Variants in THSD4 observed in about 807,000 individuals in gnomAD.
THSD4 encodes the protein thrombospondin type-1 domain-containing protein 4.
THSD4 carries 69 observed loss-of-function variants against 119.0 expected under a neutral mutation model. The observed-to-expected ratio is 0.58, with a 90% CI of 0.48 to 0.71. THSD4 has a LOEUF of 0.71. THSD4 is among the 30% of genes least tolerant of loss of function. THSD4 has a pLI of 0.00. For synonymous variants in THSD4, 524 were observed against 540.4 expected (o/e 0.97, Z 0.42); for missense variants, 1,393 against 1,391.1 (o/e 1.00, Z -0.02).
intron 4 of THSD4, among the ~76,000 whole-genome samples, chr15:71,220,063 C>CAT (rs2043963375): frequency 6.6e-6 from 1 of 151,172 alleles, no homozygotes; most frequent in African/African-American, 2.4e-5. Flanking sequence ...ATCTTCTTTG[C>CAT]ATCTAATCCT....
intron 6 of THSD4, among the ~76,000 whole-genome samples, chr15:71,367,939 G>A (rs1197161782): frequency 1.3e-5 from 2 of 152,124 alleles, no homozygotes. Context: ...ATCCTCTCCA[G>A]CACCTGTTGT....
intron 3 of THSD4, among the ~76,000 whole-genome samples, chr15:71,155,333 T>C (rs1343282950): frequency 6.6e-6 from 1 of 152,120 alleles, no homozygotes; most frequent in Non-Finnish European, 1.5e-5. Context: ...TGAGAACTCT[T>C]TATTGCCATG....
intron 6 of THSD4, among the ~76,000 whole-genome samples, chr15:71,268,218 C>T (rs149899457): frequency 3.9e-5 from 6 of 152,292 alleles, no homozygotes; most frequent in Non-Finnish European, 8.8e-5. Flanking sequence ...AAGTAAGGCA[C>T]TCCTCAGCAA....
At chr15:71,208,149 T>G (rs1297336574) in intron 3 of THSD4, among the ~76,000 whole-genome samples, 4 of 152,206 alleles carry the variant, frequency 2.6e-5, no homozygotes, top group African/African-American at 9.6e-5. Context: ...ATTGCCTACC[T>G]TGGCTTTAGC....
Position 71,329,252 on chromosome 15 carries a change from C to T in THSD4, c.1015+72537C>T, listed in dbSNP as rs941929058. ...GGAGGAAAAACAAGGAACTGGCTGCCTGGCGACAGGGAGCGGGCCAGGCTG... is the reference window on the plus strand; with the variant it reads ...GGAGGAAAAACAAGGAACTGGCTGCTTGGCGACAGGGAGCGGGCCAGGCTG... On this transcript the variant is annotated intron_variant, in intron 6 of 17. Coordinates refer to ENST00000261862, the MANE Select transcript of THSD4 (RefSeq NM_024817.3). Among the ~76,000 whole-genome samples, 9 of 152,280 alleles carry T rather than the reference C, an allele frequency of 5.9e-5. No individual in the cohort carries two copies. The South Asian group carries it at 1.9e-3, about 32-fold the overall frequency.
intron 6 of THSD4, among the ~76,000 whole-genome samples, chr15:71,371,331 C>T (rs1044920632): frequency 5.9e-5 from 9 of 152,204 alleles, no homozygotes; most frequent in South Asian, 4.2e-4. Flanking sequence ...ATGATGTTAG[C>T]TGGTTATTTT....
intron 7 of THSD4, among the ~76,000 whole-genome samples, chr15:71,518,672 C>A (rs2048395307): frequency 6.6e-6 from 1 of 152,140 alleles, no homozygotes; most frequent in Non-Finnish European, 1.5e-5. Flanking sequence ...GACTCTCCCC[C>A]ACCACCATAT....
chr15:71,684,964 T>A (rs2051876255), intron 8 of THSD4, among the ~76,000 whole-genome samples: 1 of 152,176 alleles, frequency 6.6e-6, no homozygotes. Context: ...AAGCTGGTAA[T>A]TTTTTAATGT....
In THSD4 at chr15:71,442,577, A is replaced by AT. The variant is rs1443536492; in HGVS notation, c.1152+30754_1152+30755insT. On this transcript the variant is annotated intron_variant, in intron 7 of 17. Coordinates refer to ENST00000261862, the MANE Select transcript of THSD4 (RefSeq NM_024817.3). ...GAGCAAAACTCCATCTCAAAAAAAAAAAATATATATATATATATATATATG... is the reference window on the plus strand; with the variant it reads ...GAGCAAAACTCCATCTCAAAAAAAAATAAATATATATATATATATATATATG... 3.2e-4 allele frequency among the ~76,000 whole-genome samples: 19 copies of AT among 59,170 alleles called. 3 individuals are homozygous for AT. The highest frequency in any genetic ancestry group is 1.1e-3 in the African/African-American group (19 of 17,626). The allele number at this position is 59,170 out of a possible 152,430, so 38.8% of individuals were successfully genotyped here.
chr15:71,393,063 T>C (rs1034622525), intron 6 of THSD4, among the ~76,000 whole-genome samples: 6 of 152,202 alleles, frequency 3.9e-5, no homozygotes, highest in African/African-American at 7.2e-5. Flanking sequence ...AGTGAAATGC[T>C]TGCATTTGAT....
chr15:71,694,862 C>T (rs1450549471), intron 8 of THSD4, among the ~76,000 whole-genome samples: 1 of 152,136 alleles, frequency 6.6e-6, no homozygotes, highest in Non-Finnish European at 1.5e-5. Flanking sequence ...GAACACTCCC[C>T]TGTATCCACC....
At chr15:71,708,293 A>C (rs1387072391) in intron 8 of THSD4, among the ~76,000 whole-genome samples, 1 of 152,160 alleles carries the variant, frequency 6.6e-6, no homozygotes, top group African/African-American at 2.4e-5. Context: ...CCACTTCTAG[A>C]CAGTTTTATG....
At chr15:71,181,015 C>G (rs763694224) in intron 3 of THSD4, among the ~76,000 whole-genome samples, 14 of 152,152 alleles carry the variant, frequency 9.2e-5, no homozygotes, top group Non-Finnish European at 1.9e-4. Flanking sequence ...ATAAAAGTCT[C>G]TGGAACAGTG....
rs191771438 is a variant in THSD4, at chr15:71,373,299, T to C, written c.1016-38388T>C. Among the ~76,000 whole-genome samples, 33 of 152,328 alleles carry C rather than the reference T, an allele frequency of 2.2e-4. 1 individual carries two copies. In the East Asian group the frequency reaches 6.0e-3, roughly 28 times the overall value. The stretch of plus-strand genomic sequence containing the variant: ...ATAAGTCTGAACTTTTAAAATGTAG[T>C]GAATTTTGTATTATGGTCTAATACA... On this transcript the variant is annotated intron_variant, in intron 6 of 17. Coordinates refer to ENST00000261862, the MANE Select transcript of THSD4 (RefSeq NM_024817.3).
At chr15:71,388,810 C>T (rs2046329024) in intron 6 of THSD4, among the ~76,000 whole-genome samples, 2 of 151,808 alleles carry the variant, frequency 1.3e-5, no homozygotes, top group African/African-American at 4.8e-5. Flanking sequence ...ACTTACCATC[C>T]AATATGGTTT....
intron 6 of THSD4, among the ~76,000 whole-genome samples, chr15:71,384,247 G>A (rs1298664808): frequency 2.0e-5 from 3 of 152,072 alleles, no homozygotes; most frequent in African/African-American, 2.4e-5. Context: ...GCGTGGTGGC[G>A]GGTGCCTGTA....
upstream of THSD4, chr15:71,110,947 C>T (rs1270913201): frequency 3.0e-5 from 18 of 598,880 alleles, no homozygotes; most frequent in South Asian, 2.3e-4. Flanking sequence ...AGTTAATCAT[C>T]GCCGGAAGAA....
intron 7 of THSD4, among the ~76,000 whole-genome samples, chr15:71,506,808 C>T (rs2048197169): frequency 6.6e-6 from 1 of 152,226 alleles, no homozygotes; most frequent in African/African-American, 2.4e-5. Flanking sequence ...GTTTCAGGCT[C>T]AGCTGCCCTG....
At chr15:71,576,910 C>G (rs926095807) in intron 7 of THSD4, among the ~76,000 whole-genome samples, 1 of 152,070 alleles carries the variant, frequency 6.6e-6, no homozygotes, top group African/African-American at 2.4e-5. Flanking sequence ...TGGTTTCTTC[C>G]ATTTTTATCA....
Sources: gnomAD v4.1 joint callset for allele counts (sites outside exome capture counted in the v4.1 genomes callset) on GRCh38, gnomAD v4.1.1 for gene constraint, MANE v1.5 for transcripts, NCBI Gene and HGNC (gene_info 2026-07-23, HGNC 2026-07-21) for gene names.